Variants in HIPK3 observed in about 807,000 individuals in gnomAD.
HIPK3 encodes homeodomain interacting protein kinase 3.
HIPK3 carries 47 observed loss-of-function variants against 124.2 expected under a neutral mutation model. That is an observed-to-expected ratio of 0.38 (90% confidence interval 0.30 to 0.48). HIPK3 has a LOEUF of 0.48. Ranked by LOEUF, HIPK3 falls within the 20% of genes least tolerant of loss-of-function variation. HIPK3 has a pLI of 0.98. For synonymous variants in HIPK3, 482 were observed against 515.2 expected (o/e 0.94, Z 0.87); for missense variants, 1,286 against 1,454.3 (o/e 0.88, Z 1.88).
At chr11:33,336,330 C>T (rs143677827) in intron 3 of HIPK3, among the ~76,000 whole-genome samples, 1,560 of 152,302 alleles carry the variant, frequency 0.01, 8 homozygotes, top group Non-Finnish European at 0.015. Flanking sequence ...TACCATGCCT[C>T]TTCCCCAAGA....
intron 3 of HIPK3, among the ~76,000 whole-genome samples, chr11:33,336,400 G>C (rs1191989552): frequency 2.0e-5 from 3 of 152,138 alleles, no homozygotes; most frequent in African/African-American, 7.2e-5. Flanking sequence ...TCCCACCATA[G>C]TAATTCACCC....
chr11:33,300,429 T>C (rs781438177), intron 2 of HIPK3, among the ~76,000 whole-genome samples: 5 of 151,944 alleles, frequency 3.3e-5, no homozygotes, highest in Non-Finnish European at 5.9e-5. Context: ...AACATTAAGG[T>C]GAGACCCTCC....
intron 2 of HIPK3, among the ~76,000 whole-genome samples, chr11:33,295,186 C>A (rs116179513): frequency 6.6e-6 from 1 of 151,988 alleles, no homozygotes; most frequent in Non-Finnish European, 1.5e-5. Flanking sequence ...TGTGCCAGGA[C>A]GAGACGCTTT....
chr11:33,339,282 A>C, intron 5 of HIPK3, 68 bp from the exon 6 acceptor site: 1 of 1,192,368 alleles, frequency 8.4e-7, no homozygotes, highest in South Asian at 1.4e-5. Context: ...TTATTTTTTA[A>C]CGGTGGAATT....
At chr11:33,298,601 C>A (rs1590372832) in intron 2 of HIPK3, among the ~76,000 whole-genome samples, 1 of 152,146 alleles carries the variant, frequency 6.6e-6, no homozygotes, top group African/African-American at 2.4e-5. Context: ...GTTGTAGATG[C>A]CATTAAGAGC....
At chr11:33,299,904 T>C (rs1851946455) in intron 2 of HIPK3, among the ~76,000 whole-genome samples, 2 of 151,120 alleles carry the variant, frequency 1.3e-5, no homozygotes, top group South Asian at 4.2e-4. Flanking sequence ...GTGTCTGTAG[T>C]CGTAGCTTCT....
At chr11:33,334,343 G>A (rs1238327227) in intron 3 of HIPK3, among the ~76,000 whole-genome samples, 2 of 152,130 alleles carry the variant, frequency 1.3e-5, no homozygotes, top group Non-Finnish European at 1.5e-5. Context: ...GTAGAAGTTT[G>A]TCTTGTGGAT....
At position 33,353,583 on chromosome 11, in the gene HIPK3, G is replaced by A. The variant is rs190940410; in HGVS notation, c.*15G>A. ...CATATATGTGAAAAACAGTATATTG[G>A]GGAAGCTCAATGATACAAACATTTG... On this transcript the variant is annotated 3_prime_UTR_variant, in exon 17 of 17. Transcript: ENST00000303296. The A allele has an allele frequency of 1.4e-6, 2 of 1,452,778 alleles. No individual in the cohort carries two copies. Among genetic ancestry groups the A allele is most frequent in the East Asian group, 2.3e-5 (1 of 43,964 alleles). The allele number at this position is 1,452,778 out of a possible 1,614,324, so 90.0% of individuals were successfully genotyped here.
At chr11:33,271,739 A>G (rs1267542582) in intron 1 of HIPK3, among the ~76,000 whole-genome samples, 2 of 152,240 alleles carry the variant, frequency 1.3e-5, no homozygotes, top group East Asian at 1.9e-4. Flanking sequence ...TTAGTTACAT[A>G]TGCAACTTAA....
In HIPK3 at chr11:33,258,474, T is replaced by C. The variant is rs574503439; in HGVS notation, c.-3+585T>C. ...TCAACTCTGGGGACGTGCGTGCGTG[T>C]GTGTGATTGTTGGGGAGGAGAAATG... On this transcript the variant is annotated intron_variant, in intron 1 of 16. Transcript: ENST00000303296. 5.6e-4 allele frequency: 555 copies of C among 985,018 alleles called. 5 individuals are homozygous for C. In the Middle Eastern group the frequency reaches 0.015, roughly 27 times the overall value. The allele number at this position is 985,018 out of a possible 1,614,324, so 61.0% of individuals were successfully genotyped here.
At chr11:33,258,428 G>A in intron 1 of HIPK3, 1 of 985,590 alleles carries the variant, frequency 1.0e-6, no homozygotes, top group South Asian at 4.7e-5. Flanking sequence ...CAGCGTCGCG[G>A]AGCAGCGGGT....
Position 33,321,216 on chromosome 11 carries a change from C to T in HIPK3, c.1098-7294C>T, listed in dbSNP as rs532483971. The stretch of plus-strand genomic sequence containing the variant: ...CAAGTCAAGTAGATTGAGGACGTAG[C>T]GAATGCAGTGGTTTAGTGACCTTGA... On this transcript the variant is annotated intron_variant, in intron 2 of 16. Coordinates refer to ENST00000303296, the MANE Select transcript of HIPK3 (RefSeq NM_005734.5). Among the ~76,000 whole-genome samples, 12 of 152,124 alleles carry T rather than the reference C, an allele frequency of 7.9e-5. 1 individual carries two copies. The highest frequency in any genetic ancestry group is 3.3e-4 in the Admixed American group (5 of 15,266).
chr11:33,295,547 C>T (rs1452206280), intron 2 of HIPK3, among the ~76,000 whole-genome samples: 3 of 152,266 alleles, frequency 2.0e-5, no homozygotes, highest in Non-Finnish European at 4.4e-5. Flanking sequence ...AGCGCACCTG[C>T]GCAGAACCTC....
Position 33,287,337 on chromosome 11 carries a change from C to G in HIPK3, c.923C>G (p.Thr308Ser), listed in dbSNP as rs769967245. Residue 308 changes from threonine to serine, a missense_variant, in exon 2 of 17, where the codon ACT (threonine) becomes AGT (serine). This residue lies in a region of HIPK3 where 251 missense variants were observed against 349.1 expected (regional missense o/e 0.72). Coordinates refer to ENST00000303296, the MANE Select transcript of HIPK3 (RefSeq NM_005734.5). Reference protein sequence around the residue: ...VIRPILQQVATALKKLKSLGL... With the variant: ...VIRPILQQVASALKKLKSLGL... ...CGGCCCATTCTTCAACAAGTGGCCA[C>G]TGCACTGAAAAAATTGAAAAGTCTT... 1.2e-6 allele frequency: 2 copies of G among 1,614,130 alleles called. No individual in the cohort carries two copies. Among genetic ancestry groups the G allele is most frequent in the South Asian group, 2.2e-5 (2 of 91,086 alleles).
chr11:33,349,269 C>G lies in HIPK3; in HGVS notation c.2789C>G (p.Pro930Arg), dbSNP rs769624035. Residue 930 changes from proline (P) to arginine (R), a missense_variant, in exon 14 of 17, where the codon CCC (proline) becomes CGC (arginine). Physicochemically the swap from Pro to Arg is moderately radical, Grantham distance 103. Coordinates refer to ENST00000303296, the MANE Select transcript of HIPK3 (RefSeq NM_005734.5). ...TCCTCAGGGCAGTCCAGCCCATCCC[C>G]CTGCAAGAGACCGAATAGGTAAAAG... ...TSSSGQSSPS[P>R]CKRPNSMSDE... 9 of 1,612,614 alleles carry G rather than the reference C, an allele frequency of 5.6e-6. No individual in the cohort carries two copies. The highest frequency in any genetic ancestry group is 6.8e-6 in the Non-Finnish European group (8 of 1,179,480).
Position 33,353,830 on chromosome 11 carries a change from A to AT in HIPK3, c.*268dup. The AT allele has an allele frequency of 2.5e-6, 1 of 406,520 alleles. No homozygotes were observed. 25.2% of individuals were successfully genotyped at this position (406,520 alleles called of 1,614,324 possible). On this transcript the variant is annotated 3_prime_UTR_variant, in exon 17 of 17. Coordinates refer to ENST00000303296, the MANE Select transcript of HIPK3 (RefSeq NM_005734.5). ...GCAGAAGTCCAGTTTTGCTCCTGCT[A>AT]TTTTTTATAAATTGCCTTCTAACTA...
chr11:33,340,144 A>C (rs1853286638), intron 6 of HIPK3, among the ~76,000 whole-genome samples: 2 of 152,160 alleles, frequency 1.3e-5, no homozygotes, highest in South Asian at 4.1e-4. Context: ...GCAGTGGCAC[A>C]ATCTTTGCTC....
intron 1 of HIPK3, among the ~76,000 whole-genome samples, chr11:33,260,323 A>G (rs942416609): frequency 3.3e-5 from 5 of 152,212 alleles, no homozygotes; most frequent in African/African-American, 1.2e-4. Flanking sequence ...AGCAGCTATC[A>G]AATTAATTTT....
rs1489148895 is a variant in HIPK3, at chr11:33,257,537, G to A, written c.-355G>A. The A allele has an allele frequency of 1.9e-5, 19 of 985,472 alleles. 1 individual carries two copies. The highest frequency in any genetic ancestry group is 2.2e-5 in the Non-Finnish European group (18 of 830,060). 61.0% of individuals were successfully genotyped at this position (985,472 alleles called of 1,614,324 possible). ...CCAATCGCCGTGGGCCCCGCACCCT[G>A]CGTCGCCCGTAGGCCCCAGTAGCCG... is the stretch of plus-strand genomic sequence containing the variant. On this transcript the variant is annotated 5_prime_UTR_variant, in exon 1 of 17. Coordinates refer to ENST00000303296, the MANE Select transcript of HIPK3 (RefSeq NM_005734.5).
Sources: allele counts gnomAD v4.1 joint callset (sites outside exome capture counted in the v4.1 genomes callset), GRCh38; gene constraint gnomAD v4.1.1; regional missense constraint gnomAD v4.1.1; transcripts MANE v1.5; gene names NCBI Gene and HGNC (gene_info 2026-07-23, HGNC 2026-07-21).